The following DDX10 variants were observed in gnomAD, a reference collection of about 807,000 sequenced individuals.
The protein encoded by DDX10 is probable ATP-dependent RNA helicase DDX10.
In DDX10, 74 loss-of-function variants were observed where a neutral mutation model predicts 104.3. The observed-to-expected ratio is 0.71, with a 90% CI of 0.59 to 0.86. The LOEUF (loss-of-function observed/expected upper bound fraction) is 0.86. DDX10 is among the 40% of genes least tolerant of loss of function. The pLI is 0.00. For missense variants in DDX10, 952 were observed against 1,040.0 expected (o/e 0.92, Z 1.16); for synonymous variants, 351 against 353.4 (o/e 0.99, Z 0.08).
intron 1 of DDX10, 45 bp downstream of exon 1, chr11:108,665,384 G>A: frequency 6.6e-7 from 1 of 1,508,732 alleles, no homozygotes; most frequent in African/African-American, 1.4e-5. Context: ...CCAGCAGCGG[G>A]GCAGCGTCTC....
chr11:108,816,271 A>C (rs1044834577), intron 13 of DDX10, among the ~76,000 whole-genome samples: 3 of 152,168 alleles, frequency 2.0e-5, no homozygotes, highest in Non-Finnish European at 4.4e-5. Context: ...CCTTTTCTTT[A>C]AAACTCATAT....
At chr11:108,842,414 G>C (rs975785662) in intron 15 of DDX10, among the ~76,000 whole-genome samples, 3 of 152,142 alleles carry the variant, frequency 2.0e-5, no homozygotes, top group African/African-American at 7.2e-5. Context: ...ACATTGTTAA[G>C]TACATTCTGA....
intron 1 of DDX10, among the ~76,000 whole-genome samples, chr11:108,666,155 T>C (rs1212765974): frequency 6.6e-6 from 1 of 152,162 alleles, no homozygotes; most frequent in African/African-American, 2.4e-5. Context: ...TCAGCCCCCT[T>C]CTAGTGCAGT....
chr11:108,814,112 C>A (rs917150559), intron 13 of DDX10, among the ~76,000 whole-genome samples: 2 of 152,128 alleles, frequency 1.3e-5, no homozygotes, highest in African/African-American at 4.8e-5. Context: ...CCTTTACCTT[C>A]CACCCAAAGC....
intron 16 of DDX10, among the ~76,000 whole-genome samples, chr11:108,897,121 C>T (rs1034650716): frequency 1.4e-4 from 22 of 152,088 alleles, no homozygotes; most frequent in Admixed American, 7.9e-4. Context: ...AAACAATAAA[C>T]CTTTTATGAC....
intron 13 of DDX10, among the ~76,000 whole-genome samples, chr11:108,824,014 G>C (rs551139474): frequency 6.6e-6 from 1 of 152,068 alleles, no homozygotes; most frequent in East Asian, 1.9e-4. Context: ...TCATAGTGTC[G>C]TATTGTTTGA....
At chr11:108,695,760 GT>G (rs34985675) in intron 9 of DDX10, among the ~76,000 whole-genome samples, 7,588 of 138,994 alleles carry the variant, frequency 0.055, 239 homozygotes, top group Middle Eastern at 0.13. Context: ...GTGTTTAAGT[GT>G]TTTTTTTTTT....
intron 13 of DDX10, among the ~76,000 whole-genome samples, chr11:108,835,149 C>G (rs1384670073): frequency 3.3e-5 from 5 of 152,028 alleles, no homozygotes; most frequent in African/African-American, 1.2e-4. Flanking sequence ...TTTAGGTGAA[C>G]AGGTTTACTG....
chr11:108,848,350 T>G (rs944614922), intron 15 of DDX10, among the ~76,000 whole-genome samples: 1 of 152,160 alleles, frequency 6.6e-6, no homozygotes, highest in Non-Finnish European at 1.5e-5. Flanking sequence ...GAAATTTTAC[T>G]AAGATCAGAA....
Position 108,689,012 on chromosome 11 carries a change from A to G in DDX10, c.925A>G (p.Arg309Gly). Residue 309 changes from arginine to glycine, a missense_variant, in exon 7 of 18, where the codon AGA (arginine) becomes GGA (glycine). Transcript: ENST00000322536. ...AATAAGTGTGCTGTATTCCTTTTTG[A>G]GAAGCCATCTGAAGAAGAAGAGCAT... ...QKISVLYSFL[R>G]SHLKKKSIVF... The G allele has an allele frequency of 1.9e-6, 3 of 1,614,122 alleles. No homozygotes were observed. The highest frequency in any genetic ancestry group is 2.5e-6 in the Non-Finnish European group (3 of 1,179,956).
Position 108,825,016 on chromosome 11 carries a change from G to C in DDX10, c.1966-13430G>C, listed in dbSNP as rs181077397. Reference sequence around the variant, plus strand: ...TGAACATGATCATAAAACTTAGTTGGGAATGAGGCTTAAGTAAGGAAAATG... The same window carrying C: ...TGAACATGATCATAAAACTTAGTTGCGAATGAGGCTTAAGTAAGGAAAATG... On this transcript the variant is annotated intron_variant, in intron 13 of 17. Coordinates refer to ENST00000322536, the MANE Select transcript of DDX10 (RefSeq NM_004398.4). 2.3e-3 allele frequency among the ~76,000 whole-genome samples: 347 copies of C among 152,228 alleles called. 1 individual carries two copies. The highest frequency in any genetic ancestry group is 6.0e-3 in the Admixed American group (91 of 15,292).
chr11:108,850,577 C>A (rs2134604204), intron 15 of DDX10, among the ~76,000 whole-genome samples: 1 of 151,444 alleles, frequency 6.6e-6, no homozygotes. Context: ...AGAAGACTGG[C>A]AAAATTAATT....
At chr11:108,680,861 T>C (rs1158379761) in intron 6 of DDX10, among the ~76,000 whole-genome samples, 1 of 152,194 alleles carries the variant, frequency 6.6e-6, no homozygotes, top group Non-Finnish European at 1.5e-5. Flanking sequence ...GATTCTTTGC[T>C]TCTGGGTGAT....
intron 16 of DDX10, among the ~76,000 whole-genome samples, chr11:108,882,530 GT>G: frequency 6.6e-6 from 1 of 152,162 alleles, no homozygotes; most frequent in Non-Finnish European, 1.5e-5. Context: ...GAAGAAACAT[GT>G]TTTAAAACCC....
chr11:108,691,991 A>G lies in DDX10; in HGVS notation c.1091A>G (p.Lys364Arg). Residue 364 changes from lysine (K) to arginine (R), a missense_variant, in exon 8 of 18, where the codon AAG becomes AGG. By Grantham distance (26) the Lys-to-Arg change is conservative. Around this residue, in one of 3 missense-constraint regions of DDX10, gnomAD observed 412 missense variants for 479.2 expected, o/e 0.86. Coordinates refer to ENST00000322536, the MANE Select transcript of DDX10 (RefSeq NM_004398.4). ...GAAGTCTATAATGAGTTTGTCCGTA[A>G]GAGAGCTGCAGTACTCTTTGCTACT... ...RMEVYNEFVR[K>R]RAAVLFATDI... 3 of 1,614,086 alleles carry G rather than the reference A, an allele frequency of 1.9e-6. No homozygotes were observed. Among genetic ancestry groups the G allele is most frequent in the Non-Finnish European group, 2.5e-6 (3 of 1,179,978 alleles).
chr11:108,888,480 A>T (rs1863330788), intron 16 of DDX10, among the ~76,000 whole-genome samples: 1 of 152,184 alleles, frequency 6.6e-6, no homozygotes, highest in African/African-American at 2.4e-5. Flanking sequence ...TGTAAAGGTC[A>T]TATGCCATTT....
intron 13 of DDX10, among the ~76,000 whole-genome samples, chr11:108,817,296 C>T (rs1205679257): frequency 6.6e-6 from 1 of 152,026 alleles, no homozygotes; most frequent in Non-Finnish European, 1.5e-5. Context: ...GCCTTCCACC[C>T]TGCTCACTCT....
At chr11:108,802,707 G>A (rs1862038743) in intron 13 of DDX10, among the ~76,000 whole-genome samples, 1 of 152,106 alleles carries the variant, frequency 6.6e-6, no homozygotes, top group African/African-American at 2.4e-5. Context: ...AAAAAGACAG[G>A]TGTGTACTCT....
chr11:108,782,223 G>T (rs546353158), intron 13 of DDX10, among the ~76,000 whole-genome samples: 53 of 152,282 alleles, frequency 3.5e-4, no homozygotes, highest in African/African-American at 1.2e-3. Flanking sequence ...AGGAATTGTA[G>T]TTCCCACAGG....
Sources: gnomAD v4.1 joint callset for allele counts (sites outside exome capture counted in the v4.1 genomes callset) on GRCh38, gnomAD v4.1.1 for gene constraint, gnomAD v4.1.1 regional missense constraint, MANE v1.5 for transcripts, NCBI Gene and HGNC (gene_info 2026-07-23, HGNC 2026-07-21) for gene names.